The following MYOM1 variants were observed in gnomAD, a reference collection of about 807,000 sequenced individuals.
The protein encoded by MYOM1 is myomesin-1.
MYOM1 carries 164 observed loss-of-function variants against 205.3 expected under a neutral mutation model. The observed-to-expected ratio is 0.80, with a 90% CI of 0.70 to 0.91. MYOM1 has a LOEUF of 0.91. Among genes scored for constraint, MYOM1 ranks in the 40% least tolerant of loss-of-function variants. The pLI is 0.00. For missense variants in MYOM1, 2,011 were observed against 2,127.3 expected (o/e 0.95, Z 1.08); for synonymous variants, 772 against 789.4 (o/e 0.98, Z 0.37).
At position 3,131,497 on chromosome 18, in the gene MYOM1, C is replaced by G. The variant is rs2079875385; in HGVS notation, c.2385-1G>C. 6.2e-7 allele frequency: 1 copy of G among 1,607,642 alleles called. No individual in the cohort carries two copies. The highest frequency in any genetic ancestry group is 1.3e-5 in the African/African-American group (1 of 74,596). On this transcript the variant is annotated splice_acceptor_variant, in intron 16 of 37. Transcript: ENST00000356443. LOFTEE classifies it high-confidence loss of function. ...AGTCACTAATCCATGACAAGTGAAT[C>G]TAAAAGGAAAACAAGTTTTAAAAAA... is the stretch of plus-strand genomic sequence containing the variant.
chr18:3,232,591 G>A, the MYOM1 span, among the ~76,000 whole-genome samples: 1 of 152,092 alleles, frequency 6.6e-6, no homozygotes, highest in Admixed American at 6.6e-5. Flanking sequence ...ACTTGGTACA[G>A]TTTAAATATG....
intron 2 of MYOM1, among the ~76,000 whole-genome samples, chr18:3,201,352 T>C (rs1192018709): frequency 6.6e-6 from 1 of 151,230 alleles, no homozygotes; most frequent in African/African-American, 2.4e-5. Context: ...TGAGCCAAGA[T>C]CGTGCCACAC....
chr18:3,172,074 T>C (rs1346113848), intron 8 of MYOM1, among the ~76,000 whole-genome samples: 1 of 152,166 alleles, frequency 6.6e-6, no homozygotes, highest in African/African-American at 2.4e-5. Flanking sequence ...ATTAAATGAA[T>C]CAATGTGTAT....
At chr18:3,113,223 CACAT>C (rs2079554441) in intron 21 of MYOM1, among the ~76,000 whole-genome samples, 1 of 148,712 alleles carries the variant, frequency 6.7e-6, no homozygotes, top group African/African-American at 2.5e-5. Context: ...TATATATACA[CACAT>C]GTATATATAT....
intron 22 of MYOM1, 92 bp from the exon 23 acceptor site, chr18:3,102,722 A>C: frequency 7.4e-7 from 1 of 1,360,258 alleles, no homozygotes; most frequent in Non-Finnish European, 1.0e-6. Flanking sequence ...TTAACCCTAA[A>C]GTAGGGCCCT....
intron 5 of MYOM1, among the ~76,000 whole-genome samples, chr18:3,183,803 G>A (rs1296962537): frequency 1.3e-5 from 2 of 152,062 alleles, no homozygotes; most frequent in East Asian, 1.9e-4. Context: ...CTTGGGCTGC[G>A]GGTTCCCAGG....
intron 25 of MYOM1, among the ~76,000 whole-genome samples, chr18:3,095,202 C>A (rs2079285157): frequency 6.6e-6 from 1 of 152,060 alleles, no homozygotes; most frequent in Non-Finnish European, 1.5e-5. Context: ...TGGAGTCCCA[C>A]CAAGATCTGG....
At chr18:3,171,384 G>A (rs886119516) in intron 8 of MYOM1, among the ~76,000 whole-genome samples, 12 of 152,140 alleles carry the variant, frequency 7.9e-5, no homozygotes, top group African/African-American at 1.7e-4. Context: ...GAGGGCTACC[G>A]CCAGATGTTC....
intron 12 of MYOM1, 125 bp downstream of exon 12, chr18:3,151,569 A>G (rs1348562906): frequency 3.9e-6 from 3 of 770,428 alleles, no homozygotes; most frequent in East Asian, 5.8e-5. Flanking sequence ...TTTCTGATGA[A>G]AAAAGGATTT....
intron 21 of MYOM1, among the ~76,000 whole-genome samples, chr18:3,112,797 T>C (rs770297110): frequency 1.4e-4 from 22 of 152,280 alleles, no homozygotes; most frequent in Non-Finnish European, 2.9e-4. Context: ...ATGTCGCTTT[T>C]CCCCCCAATC....
the MYOM1 span, among the ~76,000 whole-genome samples, chr18:3,229,138 C>T: frequency 2.0e-5 from 3 of 152,230 alleles, no homozygotes; most frequent in Non-Finnish European, 4.4e-5. Flanking sequence ...TATCACCTCT[C>T]TGTGACTTCT....
chr18:3,135,669 C>A lies in MYOM1; in HGVS notation c.2087G>T (p.Arg696Leu), dbSNP rs767192545. 5.6e-6 allele frequency: 9 copies of A among 1,613,928 alleles called. No homozygotes were observed. The Admixed American group carries it at 6.7e-5, about 12-fold the overall frequency. Residue 696 changes from arginine (R) to leucine (L), a missense_variant, in exon 15 of 38, where the codon CGC (arginine) becomes CTC (leucine). Transcript: ENST00000356443. This position sits in a 1 kb window ranked among gnomAD's most constrained non-coding sequence, Gnocchi z 4.1. The part of the protein sequence containing the change: ...VNTELPVKSP[R>L]FALFDLAEGK... ...CTCGGCCAAGTCAAACAGAGCAAAG[C>A]GGGGAGACTTCACAGGGAGCTCCGT...
intron 14 of MYOM1, among the ~76,000 whole-genome samples, chr18:3,140,629 G>A (rs2080034948): frequency 6.6e-6 from 1 of 152,100 alleles, no homozygotes; most frequent in Non-Finnish European, 1.5e-5. Flanking sequence ...TCTTTATGTT[G>A]TTACCTAATT....
In MYOM1 at chr18:3,141,935, T is replaced by C. The variant is rs1317754984; in HGVS notation, c.2025+4A>G. ...ATGAGGTCATGTTGATTCTAGAGTC[T>C]TACCTTTTCCACAAAGTACATAATG... On this transcript the variant is annotated splice_donor_region_variant and intron_variant, in intron 14 of 37. Coordinates refer to ENST00000356443, the MANE Select transcript of MYOM1 (RefSeq NM_003803.4). 2 of 1,613,646 alleles carry C rather than the reference T, an allele frequency of 1.2e-6. No individual in the cohort carries two copies. Among genetic ancestry groups the C allele is most frequent in the Non-Finnish European group, 1.7e-6 (2 of 1,179,714 alleles).
rs28618119 is a variant in MYOM1 at position 3,189,984 on chromosome 18, A to G, written c.432-897T>C. 0.075 allele frequency among the ~76,000 whole-genome samples: 11,427 copies of G among 152,202 alleles called. 545 individuals carry two copies. The highest frequency in any genetic ancestry group is 0.13 in the African/African-American group (5,590 of 41,522). On this transcript the variant is annotated intron_variant, in intron 3 of 37. Coordinates refer to ENST00000356443, the MANE Select transcript of MYOM1 (RefSeq NM_003803.4). This position sits in a 1 kb window ranked among gnomAD's most constrained non-coding sequence, Gnocchi z 4.8. ...GCCTACTGGGTTTCTTTCTAAGATAATACATGTTGTGTGTGCATATACTAT... is the reference window on the plus strand; with the variant it reads ...GCCTACTGGGTTTCTTTCTAAGATAGTACATGTTGTGTGTGCATATACTAT...
the MYOM1 span, among the ~76,000 whole-genome samples, chr18:3,242,013 G>A: frequency 6.6e-6 from 1 of 152,156 alleles, no homozygotes; most frequent in East Asian, 1.9e-4. Context: ...TACCCCCCTT[G>A]TATCTAGGAA....
At chr18:3,158,992 T>C (rs1346504836) in intron 10 of MYOM1, among the ~76,000 whole-genome samples, 1 of 152,152 alleles carries the variant, frequency 6.6e-6, no homozygotes, top group Non-Finnish European at 1.5e-5. Flanking sequence ...TCTTCTTTCA[T>C]GACATTTTAA....
Position 3,155,038 on chromosome 18 carries a change from A to C in MYOM1, c.1552T>G (p.Cys518Gly). ...ATATAATCTTTGTTGGCCTCCAAGC[A>C]CTTCACATCCAAGGGAGCAGCTGGG... Reference protein sequence around the residue: ...GAPAAPLDVKCLEANKDYIII... With the variant: ...GAPAAPLDVKGLEANKDYIII... Residue 518 changes from cysteine to glycine, a missense_variant, in exon 11 of 38, where the codon TGC (cysteine) becomes GGC (glycine). Coordinates refer to ENST00000356443, the MANE Select transcript of MYOM1 (RefSeq NM_003803.4). 1 of 1,613,444 alleles carries C rather than the reference A, an allele frequency of 6.2e-7. No homozygotes were observed. Among genetic ancestry groups the C allele is most frequent in the Non-Finnish European group, 8.5e-7 (1 of 1,179,672 alleles).
At chr18:3,080,606 G>A (rs995642835) in intron 33 of MYOM1, among the ~76,000 whole-genome samples, 2 of 151,404 alleles carry the variant, frequency 1.3e-5, no homozygotes, top group African/African-American at 4.8e-5. Flanking sequence ...CCCGGGAGGC[G>A]GAGGTTGCAA....
Sources: allele counts gnomAD v4.1 joint callset (sites outside exome capture counted in the v4.1 genomes callset), GRCh38; gene constraint gnomAD v4.1.1; non-coding constraint Gnocchi (gnomAD v3.1); transcripts MANE v1.5; gene names NCBI Gene and HGNC (gene_info 2026-07-23, HGNC 2026-07-21).